FANCM: variants seen among roughly 807,000 people sequenced by gnomAD.
The protein encoded by FANCM is Fanconi anemia group M protein.
In FANCM, 140 loss-of-function variants were observed where a neutral mutation model predicts 199.5. The ratio of observed to expected loss-of-function variants is 0.70; its 90% CI spans 0.61 to 0.81. The LOEUF is 0.81. FANCM is among the 30% of genes least tolerant of loss of function. FANCM has a pLI of 0.00. For missense variants in FANCM, 2,410 were observed against 2,421.4 expected (o/e 1.00, Z 0.10); for synonymous variants, 840 against 836.8 (o/e 1.00, Z -0.07).
chr14:45,170,595 G>A lies in FANCM; in HGVS notation c.2009G>A (p.Arg670Lys). The A allele has an allele frequency of 1.3e-6, 2 of 1,598,320 alleles. No individual in the cohort carries two copies. Among genetic ancestry groups the A allele is most frequent in the Non-Finnish European group, 1.7e-6 (2 of 1,166,662 alleles). The change falls in exon 12 of 23, where the codon AGG (arginine) becomes AAG (lysine). Residue 670 changes from arginine to lysine, a missense_variant. Coordinates refer to ENST00000267430, the MANE Select transcript of FANCM (RefSeq NM_020937.4). ...TTATTTTTTCAACTTATAGGAATGAGGCAAAGTAGCCTAAAGAAAGATTGG... is the reference window on the plus strand; with the variant it reads ...TTATTTTTTCAACTTATAGGAATGAAGCAAAGTAGCCTAAAGAAAGATTGG... Reference protein sequence around the residue: ...SSIFSYRDGMRQSSLKKDWFL... With the variant: ...SSIFSYRDGMKQSSLKKDWFL...
chr14:45,171,729 G>A (rs1255369305), intron 12 of FANCM, among the ~76,000 whole-genome samples: 2 of 151,484 alleles, frequency 1.3e-5, no homozygotes, highest in African/African-American at 2.4e-5. Flanking sequence ...GTGTGCATGT[G>A]TGTCACATTT....
intron 8 of FANCM, among the ~76,000 whole-genome samples, 170 bp from the exon 9 acceptor site, chr14:45,158,926 C>T (rs1366124133): frequency 6.6e-6 from 1 of 152,142 alleles, no homozygotes; most frequent in Non-Finnish European, 1.5e-5. Flanking sequence ...CCCATCTCAG[C>T]CTCCCAAGTA....
At chr14:45,171,087 A>C (rs1044339550) in intron 12 of FANCM, among the ~76,000 whole-genome samples, 3 of 151,304 alleles carry the variant, frequency 2.0e-5, no homozygotes, top group Non-Finnish European at 2.9e-5. Flanking sequence ...TCTGTGATAT[A>C]CCATAGTTTG....
At chr14:45,148,468 A>T (rs1390685385) in intron 3 of FANCM, among the ~76,000 whole-genome samples, 1 of 152,140 alleles carries the variant, frequency 6.6e-6, no homozygotes, top group Non-Finnish European at 1.5e-5. Context: ...AAAATATTCT[A>T]CTAATTTATC....
At chr14:45,170,457 T>G in intron 11 of FANCM, 132 bp from the exon 12 acceptor site, 1 of 622,284 alleles carries the variant, frequency 1.6e-6, no homozygotes, top group Non-Finnish European at 2.9e-6. Flanking sequence ...ACCCAGGAGT[T>G]TGAGGTTACA....
rs111459710 is a variant in FANCM, at chr14:45,158,909, C to T, written c.1397-187C>T. Among the ~76,000 whole-genome samples the T allele has an allele frequency of 1.1e-4, 17 of 152,178 alleles. 3 individuals are homozygous for T. The highest frequency in any genetic ancestry group is 3.1e-4 in the African/African-American group (13 of 41,540). ...CTGGTCTTGAACTCCTGGGCTCAAGCGATTTCCCCATCTCAGCCTCCCAAG... is the reference window on the plus strand; with the variant it reads ...CTGGTCTTGAACTCCTGGGCTCAAGTGATTTCCCCATCTCAGCCTCCCAAG... On this transcript the variant is annotated intron_variant, in intron 8 of 22. Coordinates refer to ENST00000267430, the MANE Select transcript of FANCM (RefSeq NM_020937.4).
intron 17 of FANCM, among the ~76,000 whole-genome samples, chr14:45,184,888 C>T (rs1231144908): frequency 2.6e-5 from 4 of 151,084 alleles, no homozygotes; most frequent in South Asian, 4.2e-4. Context: ...ATTCTCCTGC[C>T]TCAGCTTCCC....
chr14:45,188,274 G>A (rs1309427681), intron 19 of FANCM, among the ~76,000 whole-genome samples: 1 of 152,150 alleles, frequency 6.6e-6, no homozygotes, highest in Non-Finnish European at 1.5e-5. Context: ...GGGAGGCAGA[G>A]GTTGCAATGA....
chr14:45,167,885 A>G (rs112690346), intron 11 of FANCM, among the ~76,000 whole-genome samples: 1,997 of 152,294 alleles, frequency 0.013, 60 homozygotes, highest in African/African-American at 0.046. Context: ...TTTTAAATGC[A>G]TAGCCAGTCT....
rs1260789761 is a variant in FANCM at position 45,185,226 on chromosome 14, A to C, written c.4525A>C (p.Arg1509=). ...AATTTGTCTTACTTAGCATGTAGCT[A>C]GGAAGTTTTTAGATGATGAAGCAGA... ...KRQSHLKHVA[R]KFLDDEAELS... Residue 1509 remains arginine (R), a synonymous_variant, in exon 18 of 23, where the codon AGG becomes CGG. Coordinates refer to ENST00000267430, the MANE Select transcript of FANCM (RefSeq NM_020937.4). 1.3e-5 allele frequency: 20 copies of C among 1,594,396 alleles called. No homozygotes were observed. Among genetic ancestry groups the C allele is most frequent in the Non-Finnish European group, 1.6e-5 (19 of 1,164,056 alleles).
chr14:45,161,837 G>A (rs1489940000), intron 9 of FANCM, among the ~76,000 whole-genome samples: 1 of 152,146 alleles, frequency 6.6e-6, no homozygotes, highest in East Asian at 1.9e-4. Context: ...GGGGCTAAGG[G>A]TGGAAGTGGA....
chr14:45,187,654 T>C, intron 18 of FANCM, 127 bp from the exon 19 acceptor site: 1 of 591,246 alleles, frequency 1.7e-6, no homozygotes, highest in Admixed American at 3.0e-5. Context: ...TAATATTTAT[T>C]GTCTTTGTGT....
Position 45,173,087 on chromosome 14 carries a change from C to G in FANCM, c.2193C>G (p.Leu731=), listed in dbSNP as rs1888443232. Residue 731 remains leucine, a synonymous_variant, in exon 13 of 23, where the codon CTC becomes CTG. Transcript: ENST00000267430. Reference sequence around the variant, plus strand: ...AATCAACCACTGGAATTCATCAACTCTCTCTCTCTGAATGGAGACTGTGGC... The same window carrying G: ...AATCAACCACTGGAATTCATCAACTGTCTCTCTCTGAATGGAGACTGTGGC... ...AQESTTGIHQ[L]SLSEWRLWQD... The G allele has an allele frequency of 6.2e-7, 1 of 1,611,360 alleles. No homozygotes were observed. Among genetic ancestry groups the G allele is most frequent in the East Asian group, 2.2e-5 (1 of 44,824 alleles).
chr14:45,180,526 C>G (rs978020097), intron 14 of FANCM, among the ~76,000 whole-genome samples: 1 of 151,918 alleles, frequency 6.6e-6, no homozygotes, highest in Non-Finnish European at 1.5e-5. Context: ...GACTCACTGC[C>G]ACCTCTGTCT....
In FANCM at chr14:45,136,615, C is replaced by CAAT. The variant is rs1566717346; in HGVS notation, c.508+77_508+78insATA. 6.0e-5 allele frequency: 84 copies of CAAT among 1,391,300 alleles called. 4 individuals are homozygous for CAAT. Among genetic ancestry groups the CAAT allele is most frequent in the African/African-American group, 5.4e-4 (38 of 70,914 alleles). The allele number at this position is 1,391,300 out of a possible 1,614,324, so 86.2% of individuals were successfully genotyped here. A position where few individuals can be genotyped will look rare whatever the true frequency, so the allele number is the denominator to read the frequency against. Reference sequence around the variant, plus strand: ...ATGTGGAATAGTTCCCAAGCTACAACATGTGCATCTTACGCCCTCCCTCTT... The same window carrying CAAT: ...ATGTGGAATAGTTCCCAAGCTACAACAATATGTGCATCTTACGCCCTCCCTCTT... On this transcript the variant is annotated intron_variant, in intron 1 of 22. Transcript: ENST00000267430.
intron 6 of FANCM, 134 bp from the exon 7 acceptor site, chr14:45,154,563 A>G: frequency 1.6e-6 from 1 of 624,092 alleles, no homozygotes; most frequent in Non-Finnish European, 2.7e-6. Flanking sequence ...GTAGAACTGC[A>G]AAAAGTTTCT....
chr14:45,145,351 C>T (rs1000535728), intron 3 of FANCM, among the ~76,000 whole-genome samples: 7 of 152,002 alleles, frequency 4.6e-5, no homozygotes, highest in Non-Finnish European at 8.8e-5. Flanking sequence ...CACTAGGTCA[C>T]GTGCCCCCCA....
intron 22 of FANCM, 131 bp from the exon 23 acceptor site, chr14:45,199,739 A>G (rs766482964): frequency 6.5e-6 from 5 of 764,934 alleles, no homozygotes; most frequent in African/African-American, 3.5e-5. Context: ...TGTTCAAGAC[A>G]TATCAGCTGG....
rs113604055 is a variant in FANCM at position 45,193,762 on chromosome 14, G to GT, written c.5341-2399dup. Among the ~76,000 whole-genome samples the GT allele has an allele frequency of 1.4e-3, 190 of 140,590 alleles. 1 individual carries two copies. The highest frequency in any genetic ancestry group is 3.8e-3 in the South Asian group (17 of 4,426). 92.2% of individuals were successfully genotyped at this position (140,590 alleles called of 152,430 possible). A position where few individuals can be genotyped will look rare whatever the true frequency, so the allele number is the denominator to read the frequency against. ...TGGTAAGTCTGAGTTTTCTAACTTTGTTTTTTTTTTTAACATTGTTTTAGA... is the reference window on the plus strand; with the variant it reads ...TGGTAAGTCTGAGTTTTCTAACTTTGTTTTTTTTTTTTAACATTGTTTTAGA... On this transcript the variant is annotated intron_variant, in intron 20 of 22. Coordinates refer to ENST00000267430, the MANE Select transcript of FANCM (RefSeq NM_020937.4).
Sources: allele counts gnomAD v4.1 joint callset (sites outside exome capture counted in the v4.1 genomes callset), GRCh38; gene constraint gnomAD v4.1.1; transcripts MANE v1.5; gene names NCBI Gene and HGNC (gene_info 2026-07-23, HGNC 2026-07-21).